The following ABTB3 variants were observed in gnomAD, a reference collection of about 807,000 sequenced individuals.
ABTB3 encodes ankyrin repeat and BTB domain containing 3, also known as ankyrin repeat- and BTB/POZ domain-containing protein 3.
the ABTB3 span, among the ~76,000 whole-genome samples, chr12:107,514,184 G>A: frequency 6.6e-6 from 1 of 152,346 alleles, no homozygotes; most frequent in African/African-American, 2.4e-5. Flanking sequence ...ATGGTATCAA[G>A]CTCTGGCAGT....
chr12:107,412,865 G>A, the ABTB3 span, among the ~76,000 whole-genome samples: 1 of 152,084 alleles, frequency 6.6e-6, no homozygotes, highest in Admixed American at 6.6e-5. Flanking sequence ...TCAGGATCAT[G>A]TGAAGGACCT....
At chr12:107,377,334 G>A in the ABTB3 span, among the ~76,000 whole-genome samples, 48 of 152,098 alleles carry the variant, frequency 3.2e-4, no homozygotes, top group Non-Finnish European at 5.7e-4. Flanking sequence ...CCCTCTGTCC[G>A]GTTTTGCTTC....
chr12:107,612,359 T>C, the ABTB3 span, among the ~76,000 whole-genome samples: 3 of 152,216 alleles, frequency 2.0e-5, no homozygotes, highest in Non-Finnish European at 4.4e-5. Context: ...GCAGCTTTTA[T>C]AGAGCAAAGA....
At chr12:107,605,834 G>A in the ABTB3 span, among the ~76,000 whole-genome samples, 2 of 152,348 alleles carry the variant, frequency 1.3e-5, no homozygotes, top group East Asian at 3.9e-4. Flanking sequence ...GTGGAAAGAA[G>A]TGGATGGATT....
chr12:107,649,914 A>C, the ABTB3 span: 1 of 152,218 alleles, frequency 6.6e-6, no homozygotes, highest in African/African-American at 2.4e-5. Flanking sequence ...TTTTGTCCAA[A>C]GCCAAGATTT....
At chr12:107,375,022 A>C in the ABTB3 span, among the ~76,000 whole-genome samples, 1 of 152,174 alleles carries the variant, frequency 6.6e-6, no homozygotes, top group South Asian at 2.1e-4. Context: ...TCCTCTGGTC[A>C]TGCAACACAC....
At chr12:107,320,060 G>T in the ABTB3 span, 1 of 1,501,602 alleles carries the variant, frequency 6.7e-7, no homozygotes, top group Non-Finnish European at 9.0e-7. Flanking sequence ...CCTGATCTGC[G>T]GGAAGAACGC....
the ABTB3 span, among the ~76,000 whole-genome samples, chr12:107,384,308 T>C: frequency 1.3e-5 from 2 of 152,188 alleles, no homozygotes; most frequent in African/African-American, 4.8e-5. Context: ...TCAAGCAGCC[T>C]GGCTCCACAG....
chr12:107,375,422 AATC>A, the ABTB3 span, among the ~76,000 whole-genome samples: 67,199 of 148,136 alleles, frequency 0.45, 15,651 homozygotes, highest in South Asian at 0.54. Context: ...TGGTGTCAGA[AATC>A]ATCATCATCA....
At chr12:107,612,810 C>T in the ABTB3 span, 3 of 1,613,818 alleles carry the variant, frequency 1.9e-6, no homozygotes, top group East Asian at 2.2e-5. Context: ...TGCCTGCGTC[C>T]GTGGGGACGA....
At chr12:107,534,425 G>A in the ABTB3 span, among the ~76,000 whole-genome samples, 1 of 151,616 alleles carries the variant, frequency 6.6e-6, no homozygotes, top group African/African-American at 2.4e-5. Flanking sequence ...CCAAAATTAG[G>A]GGAAGGAAAG....
chr12:107,648,413 CAA>C, the ABTB3 span, among the ~76,000 whole-genome samples: 2 of 149,260 alleles, frequency 1.3e-5, no homozygotes, highest in Non-Finnish European at 3.0e-5. Flanking sequence ...CACACACACA[CAA>C]AGACAATAGG....
the ABTB3 span, among the ~76,000 whole-genome samples, chr12:107,500,639 C>A: frequency 3.3e-5 from 5 of 152,190 alleles, no homozygotes; most frequent in Non-Finnish European, 7.3e-5. Context: ...GCTCAGGCCA[C>A]GACTGTGTAA....
chr12:107,599,773 G>A, the ABTB3 span, among the ~76,000 whole-genome samples: 2 of 152,034 alleles, frequency 1.3e-5, no homozygotes, highest in African/African-American at 4.8e-5. Flanking sequence ...AAATATGCAT[G>A]TGTGAATTAT....
the ABTB3 span, chr12:107,612,641 G>A: frequency 1.2e-6 from 1 of 860,930 alleles, no homozygotes; most frequent in Non-Finnish European, 1.8e-6. Flanking sequence ...ACGAGTCACA[G>A]GGCTGCACGT....
chr12:107,319,250 C>A, the ABTB3 span: 1 of 1,557,420 alleles, frequency 6.4e-7, no homozygotes, highest in Non-Finnish European at 8.7e-7. Context: ...TCTCCAGGAG[C>A]TGGAGGCGCT....
the ABTB3 span, among the ~76,000 whole-genome samples, chr12:107,579,449 T>G: frequency 6.6e-6 from 1 of 152,150 alleles, no homozygotes; most frequent in East Asian, 1.9e-4. Context: ...TCAACATCAT[T>G]CTCCTGATCA....
the ABTB3 span, among the ~76,000 whole-genome samples, chr12:107,575,819 G>T: frequency 6.6e-6 from 1 of 152,182 alleles, no homozygotes; most frequent in East Asian, 1.9e-4. Flanking sequence ...AGCCAGTTAA[G>T]GCAGCTTTCA....
At chr12:107,578,159 TAAG>T in the ABTB3 span, among the ~76,000 whole-genome samples, 3 of 152,080 alleles carry the variant, frequency 2.0e-5, no homozygotes, top group Non-Finnish European at 2.9e-5. Flanking sequence ...GTAGACAAGA[TAAG>T]AAGATTTTTA....
Sources: allele counts gnomAD v4.1 joint callset (sites outside exome capture counted in the v4.1 genomes callset), GRCh38; gene constraint gnomAD v4.1.1; transcripts MANE v1.5; gene names NCBI Gene and HGNC (gene_info 2026-07-23, HGNC 2026-07-21).